The following COX10 variants were observed in gnomAD, a reference collection of about 807,000 sequenced individuals.
COX10 encodes the protein cytochrome c oxidase assembly factor heme A:farnesyltransferase COX10.
In COX10, 27 loss-of-function variants were observed where a neutral mutation model predicts 37.3. The observed-to-expected ratio is 0.72, with a 90% CI of 0.53 to 1.00. The LOEUF (loss-of-function observed/expected upper bound fraction) is 1.00. Among genes scored for constraint, COX10 ranks in the 50% least tolerant of loss-of-function variants. The probability of loss-of-function intolerance (pLI) is 0.00; values close to 1 mark genes in which losing one functional copy is unlikely to be tolerated. For missense variants in COX10, 475 were observed against 563.2 expected, an observed-to-expected ratio of 0.84 and a Z score of 1.59; for synonymous variants, 222 against 229.1, an observed-to-expected ratio of 0.97 and a Z score of 0.28.
At chr17:14,197,732 CA>C (rs146593454) in intron 6 of COX10, among the ~76,000 whole-genome samples, 20,296 of 152,246 alleles carry the variant, frequency 0.13, 2,419 homozygotes, top group African/African-American at 0.32. Flanking sequence ...CAACGGCTTT[CA>C]GTCCAGTGCT....
At chr17:14,084,109 C>A (rs116795578) in intron 3 of COX10, among the ~76,000 whole-genome samples, 2 of 152,030 alleles carry the variant, frequency 1.3e-5, no homozygotes, top group East Asian at 3.8e-4. Flanking sequence ...GGAGGATACA[C>A]GTTCATTTTA....
chr17:14,146,029 AT>A (rs1904704881), intron 4 of COX10, among the ~76,000 whole-genome samples: 1 of 152,130 alleles, frequency 6.6e-6, no homozygotes, highest in Admixed American at 6.6e-5. Flanking sequence ...ATTTTGTATC[AT>A]TTTGGTAGAA....
At chr17:14,191,386 G>A (rs1422605418) in intron 5 of COX10, among the ~76,000 whole-genome samples, 2 of 150,964 alleles carry the variant, frequency 1.3e-5, no homozygotes, top group South Asian at 2.1e-4. Flanking sequence ...GTCAGGAACC[G>A]GTAGCATGCT....
At chr17:14,188,021 A>AAT (rs1411730693) in intron 5 of COX10, among the ~76,000 whole-genome samples, 1 of 152,164 alleles carries the variant, frequency 6.6e-6, no homozygotes, top group African/African-American at 2.4e-5. Flanking sequence ...GCTCTTCTAA[A>AAT]AGGGCTTTTC....
intron 4 of COX10, among the ~76,000 whole-genome samples, chr17:14,141,462 A>T (rs1389595923): frequency 6.9e-6 from 1 of 145,148 alleles, no homozygotes. Flanking sequence ...TCCAGGAGGC[A>T]GAGGTTGCAG....
At chr17:14,141,695 T>C (rs1023193808) in intron 4 of COX10, among the ~76,000 whole-genome samples, 1 of 152,208 alleles carries the variant, frequency 6.6e-6, no homozygotes, top group Admixed American at 6.5e-5. Context: ...TGTAAAGACA[T>C]TTATTATCTA....
chr17:14,147,835 A>T (rs1289372212), intron 4 of COX10, among the ~76,000 whole-genome samples: 1 of 151,664 alleles, frequency 6.6e-6, no homozygotes. Flanking sequence ...ACAGTTGAAA[A>T]TTACAAAAAG....
chr17:14,199,550 C>T (rs74595615), intron 6 of COX10, among the ~76,000 whole-genome samples: 2,171 of 152,192 alleles, frequency 0.014, 59 homozygotes, highest in African/African-American at 0.049. Flanking sequence ...GCCTGGAGGG[C>T]GGCAGCACAC....
chr17:14,164,660 C>T (rs1392065593), intron 5 of COX10, among the ~76,000 whole-genome samples: 2 of 152,136 alleles, frequency 1.3e-5, no homozygotes, highest in African/African-American at 4.8e-5. Context: ...CTAAACATCC[C>T]TTTGTGCAAG....
At chr17:14,103,994 C>G (rs1351124261) in intron 4 of COX10, among the ~76,000 whole-genome samples, 1 of 152,116 alleles carries the variant, frequency 6.6e-6, no homozygotes, top group East Asian at 1.9e-4. Flanking sequence ...CAGCCCTGCT[C>G]CGCATCCCAC....
At chr17:14,128,273 G>C (rs188500063) in intron 4 of COX10, among the ~76,000 whole-genome samples, 1 of 151,920 alleles carries the variant, frequency 6.6e-6, no homozygotes, top group Admixed American at 6.6e-5. Flanking sequence ...TTGAGCATTT[G>C]CATTTTCAGC....
chr17:14,158,945 G>T (rs1256169765), intron 4 of COX10, among the ~76,000 whole-genome samples: 4 of 152,154 alleles, frequency 2.6e-5, no homozygotes, highest in African/African-American at 9.7e-5. Context: ...ACCAAAAAAG[G>T]AGACAAGTAA....
chr17:14,189,598 A>G (rs904435615), intron 5 of COX10, among the ~76,000 whole-genome samples: 2 of 152,200 alleles, frequency 1.3e-5, no homozygotes, highest in Non-Finnish European at 2.9e-5. Flanking sequence ...TATCCTCCTT[A>G]ATGCCTCAAT....
At chr17:14,204,136 G>C (rs1291502144) in intron 6 of COX10, among the ~76,000 whole-genome samples, 1 of 152,106 alleles carries the variant, frequency 6.6e-6, no homozygotes, top group African/African-American at 2.4e-5. Context: ...TCTAATGCCT[G>C]GAGATTCACG....
At chr17:14,203,183 T>C (rs572079371) in intron 6 of COX10, among the ~76,000 whole-genome samples, 689 of 152,286 alleles carry the variant, frequency 4.5e-3, no homozygotes, top group Non-Finnish European at 6.9e-3. Flanking sequence ...CTGCTCATAT[T>C]ATCAGCATTA....
chr17:14,109,683 C>T (rs980759567), intron 4 of COX10, among the ~76,000 whole-genome samples: 1 of 152,058 alleles, frequency 6.6e-6, no homozygotes, highest in East Asian at 1.9e-4. Flanking sequence ...TGTCTTATTC[C>T]AGTCACTACC....
At chr17:14,078,499 G>A (rs868703056) in intron 3 of COX10, among the ~76,000 whole-genome samples, 3 of 151,940 alleles carry the variant, frequency 2.0e-5, no homozygotes, top group Non-Finnish European at 4.4e-5. Flanking sequence ...TTTGCTCTCC[G>A]CTCTCCCCTT....
chr17:14,104,079 T>C (rs1915840846), intron 4 of COX10, among the ~76,000 whole-genome samples: 1 of 152,134 alleles, frequency 6.6e-6, no homozygotes, highest in African/African-American at 2.4e-5. Flanking sequence ...CACACAGCCC[T>C]CTGCAGTGTC....
At chr17:14,199,121 C>T (rs1906453856) in intron 6 of COX10, among the ~76,000 whole-genome samples, 1 of 151,438 alleles carries the variant, frequency 6.6e-6, no homozygotes, top group Non-Finnish European at 1.5e-5. Flanking sequence ...ATGTTGCAAG[C>T]CCCCAGATTG....
Sources: gnomAD v4.1 joint callset for allele counts (sites outside exome capture counted in the v4.1 genomes callset) on GRCh38, gnomAD v4.1.1 for gene constraint, MANE v1.5 for transcripts, NCBI Gene and HGNC (gene_info 2026-07-23, HGNC 2026-07-21) for gene names.